The following NFAT5 variants were observed in gnomAD, a reference collection of about 807,000 sequenced individuals.
NFAT5 encodes nuclear factor of activated T cells 5, also known as nuclear factor of activated T-cells 5.
NFAT5 carries 31 observed loss-of-function variants against 166.5 expected under a neutral mutation model. That is an observed-to-expected ratio of 0.19 (90% confidence interval 0.14 to 0.25). The LOEUF (loss-of-function observed/expected upper bound fraction) is 0.25. NFAT5 is among the 10% of genes least tolerant of loss of function. NFAT5 has a pLI of 1.00. For missense variants in NFAT5, 1,449 were observed against 1,821.8 expected, an observed-to-expected ratio of 0.80 and a Z score of 3.72; for synonymous variants, 612 against 639.7, an observed-to-expected ratio of 0.96 and a Z score of 0.65.
intron 11 of NFAT5, among the ~76,000 whole-genome samples, chr16:69,689,797 G>A (rs1383945748): frequency 6.6e-6 from 1 of 152,048 alleles, no homozygotes; most frequent in African/African-American, 2.4e-5. Context: ...CACCTGCCTC[G>A]GCCTCCCAAA....
intron 2 of NFAT5, 62 bp from the exon 3 acceptor site, chr16:69,626,341 A>G: frequency 2.1e-6 from 3 of 1,462,930 alleles, no homozygotes; most frequent in Non-Finnish European, 2.8e-6. Flanking sequence ...TTTTGTGCAT[A>G]TTAGATTGTT....
intron 2 of NFAT5, among the ~76,000 whole-genome samples, chr16:69,587,189 C>G (rs1399385568): frequency 6.6e-6 from 1 of 150,682 alleles, no homozygotes; most frequent in Non-Finnish European, 1.5e-5. Flanking sequence ...TCAATTGATT[C>G]TTCTGCCTCA....
intron 9 of NFAT5, among the ~76,000 whole-genome samples, chr16:69,673,504 C>A (rs1407887872): frequency 6.6e-6 from 1 of 152,030 alleles, no homozygotes; most frequent in East Asian, 1.9e-4. Context: ...AGGAGGATTG[C>A]TTGAAGCTGG....
chr16:69,654,218 AG>A (rs2035791032), intron 5 of NFAT5, among the ~76,000 whole-genome samples: 1 of 152,178 alleles, frequency 6.6e-6, no homozygotes, highest in Non-Finnish European at 1.5e-5. Context: ...AATACTAAAT[AG>A]GGAGGAATTT....
At chr16:69,567,419 C>A (rs1303184020) in intron 1 of NFAT5, among the ~76,000 whole-genome samples, 2 of 152,060 alleles carry the variant, frequency 1.3e-5, no homozygotes. Context: ...TTTAAACCAC[C>A]GGGAGGGGGC....
chr16:69,644,178 G>C lies in NFAT5; in HGVS notation c.254-2850G>C, dbSNP rs372414407. ...TGTGTGCCTGTAGTCTCAGTTACTC[G>C]GGAAGCTGAGGCAGGAGGATTGCTT... is the stretch of plus-strand genomic sequence containing the variant. On this transcript the variant is annotated intron_variant, in intron 3 of 14. Coordinates refer to ENST00000349945, the MANE Select transcript of NFAT5 (RefSeq NM_138713.4). Among the ~76,000 whole-genome samples the C allele has an allele frequency of 5.3e-5, 8 of 152,092 alleles. No homozygotes were observed. The East Asian group carries it at 1.2e-3, about 22-fold the overall frequency.
intron 2 of NFAT5, among the ~76,000 whole-genome samples, chr16:69,599,438 A>G (rs1319671128): frequency 6.6e-6 from 1 of 152,018 alleles, no homozygotes; most frequent in Non-Finnish European, 1.5e-5. Flanking sequence ...TTAGCTGGGC[A>G]TGGTGGCGCG....
chr16:69,617,732 A>T (rs1461198844), intron 2 of NFAT5, among the ~76,000 whole-genome samples: 1 of 151,898 alleles, frequency 6.6e-6, no homozygotes, highest in Non-Finnish European at 1.5e-5. Context: ...GGCTAAAGTG[A>T]TCCTCCCAAC....
At chr16:69,581,972 G>T (rs778004171) in intron 2 of NFAT5, among the ~76,000 whole-genome samples, 7 of 152,038 alleles carry the variant, frequency 4.6e-5, no homozygotes, top group Non-Finnish European at 7.4e-5. Context: ...TTAAAATTGG[G>T]TTATTAGGCC....
In NFAT5 at chr16:69,693,002, A is replaced by C. The variant is rs2037613232; in HGVS notation, c.3177A>C (p.Gln1059His). The C allele has an allele frequency of 1.9e-6, 3 of 1,614,142 alleles. No individual in the cohort carries two copies. Among genetic ancestry groups the C allele is most frequent in the Non-Finnish European group, 2.5e-6 (3 of 1,180,036 alleles). The change falls in exon 13 of 15, where the codon CAA (glutamine) becomes CAC (histidine). Residue 1059 changes from glutamine to histidine, a missense_variant. Gln to His is a conservative substitution (Grantham distance 24). This residue lies in a region of NFAT5 where 891 missense variants were observed against 993.0 expected (regional missense o/e 0.90). Coordinates refer to ENST00000349945, the MANE Select transcript of NFAT5 (RefSeq NM_138713.4). Reference sequence around the variant, plus strand: ...TTCAGAATAGTGGTACCCAACAACAAGGTAATGGTTTATTCCAGCAAGGGA... The same window carrying C: ...TTCAGAATAGTGGTACCCAACAACACGGTAATGGTTTATTCCAGCAAGGGA... ...MSVQNSGTQQ[Q>H]GNGLFQQGNE...
chr16:69,613,540 T>A (rs2033800977), intron 2 of NFAT5, among the ~76,000 whole-genome samples: 1 of 152,186 alleles, frequency 6.6e-6, no homozygotes, highest in South Asian at 2.1e-4. Context: ...CTGAGTTACC[T>A]AATAACCTGA....
rs760258906 is a variant in NFAT5 at position 69,695,175 on chromosome 16, C to T, written c.4454C>T (p.Pro1485Leu). The T allele has an allele frequency of 1.9e-6, 3 of 1,614,162 alleles. No homozygotes were observed. The Admixed American group carries it at 5.0e-5, about 27-fold the overall frequency. Residue 1485 changes from proline to leucine, a missense_variant, in exon 14 of 15, where the codon CCT becomes CTT. Around this residue, in one of 7 missense-constraint regions of NFAT5, gnomAD observed 891 missense variants for 993.0 expected, o/e 0.90. Transcript: ENST00000349945. ...TTAACCTCTGGACCAGCTACATTGC[C>T]TGATCAGTTGATGGCCATAAGTCAG... Reference protein sequence around the residue: ...QLLTSGPATLPDQLMAISQPG... With the variant: ...QLLTSGPATLLDQLMAISQPG...
intron 7 of NFAT5, among the ~76,000 whole-genome samples, chr16:69,662,207 C>G (rs1038301124): frequency 6.6e-6 from 1 of 152,126 alleles, no homozygotes; most frequent in Non-Finnish European, 1.5e-5. Flanking sequence ...GATGGTAGAA[C>G]TTGTTCTGTC....
chr16:69,626,476 T>A lies in NFAT5; in HGVS notation c.201T>A (p.Ser67Arg). The A allele has an allele frequency of 5.6e-6, 9 of 1,594,218 alleles. No homozygotes were observed. Among genetic ancestry groups the A allele is most frequent in the Non-Finnish European group, 7.7e-6 (9 of 1,170,814 alleles). ...GAGAAACATCTGTAGCATCAATGAG[T>A]CAGACAAGCGGTGGTGAGGCAGGCT... ...PSRETSVASM[S>R]QTSGGEAGSP... is the part of the protein sequence containing the mutation. The change falls in exon 3 of 15, where the codon AGT becomes AGA. Residue 67 changes from serine to arginine, a missense_variant. By Grantham distance (110) the Ser-to-Arg change is moderately radical (BLOSUM62 -1). Around this residue, in one of 7 missense-constraint regions of NFAT5, gnomAD observed 172 missense variants for 194.5 expected, o/e 0.88. Coordinates refer to ENST00000349945, the MANE Select transcript of NFAT5 (RefSeq NM_138713.4).
intron 2 of NFAT5, among the ~76,000 whole-genome samples, chr16:69,619,355 A>T (rs1057076489): frequency 6.6e-6 from 1 of 152,152 alleles, no homozygotes; most frequent in Non-Finnish European, 1.5e-5. Context: ...ATTTTATTTG[A>T]TTATATACTT....
At chr16:69,657,136 T>C (rs1229384021) in intron 6 of NFAT5, among the ~76,000 whole-genome samples, 1 of 83,538 alleles carries the variant, frequency 1.2e-5, no homozygotes, top group Non-Finnish European at 2.3e-5. Flanking sequence ...ATTTTGTAAA[T>C]TTTTTTTTTT....
intron 2 of NFAT5, among the ~76,000 whole-genome samples, chr16:69,598,380 T>TAA (rs374912279): frequency 2.4e-3 from 288 of 118,970 alleles, no homozygotes; most frequent in South Asian, 5.0e-3. Context: ...CCTGTCTCTT[T>TAA]AAAAAAAAAA....
chr16:69,588,980 C>CTTTTTTTTTTTTTTTTT lies in NFAT5; in HGVS notation c.127+20447_127+20463dup, dbSNP rs945918292. 1.2e-4 allele frequency among the ~76,000 whole-genome samples: 4 copies of CTTTTTTTTTTTTTTTTT among 34,368 alleles called. 1 individual carries two copies. Among genetic ancestry groups the CTTTTTTTTTTTTTTTTT allele is most frequent in the Non-Finnish European group, 1.9e-4 (3 of 15,882 alleles). 22.5% of individuals were successfully genotyped at this position (34,368 alleles called of 152,430 possible). On this transcript the variant is annotated intron_variant, in intron 2 of 14. Coordinates refer to ENST00000349945, the MANE Select transcript of NFAT5 (RefSeq NM_138713.4). ...GACCCTCCCTCCTCTTTTCCTACTTCTTTTTTTTTTTTTTTTTTTTTTTTT... is the reference window on the plus strand; with the variant it reads ...GACCCTCCCTCCTCTTTTCCTACTTCTTTTTTTTTTTTTTTTTTTTTTTTTTTTTTTTTTTTTTTTTT...
chr16:69,669,952 A>T, intron 7 of NFAT5, 25 bp from the exon 8 acceptor site: 1 of 1,534,796 alleles, frequency 6.5e-7, no homozygotes, highest in Non-Finnish European at 8.7e-7. Context: ...GGTTCTTCTT[A>T]TAGAATGCTT....
Sources: allele counts gnomAD v4.1 joint callset (sites outside exome capture counted in the v4.1 genomes callset), GRCh38; gene constraint gnomAD v4.1.1; regional missense constraint gnomAD v4.1.1; transcripts MANE v1.5; gene names NCBI Gene and HGNC (gene_info 2026-07-23, HGNC 2026-07-21).